The following RABGAP1L variants were observed in gnomAD, a reference collection of about 807,000 sequenced individuals.
RABGAP1L encodes RAB GTPase activating protein 1 like, also known as rab GTPase-activating protein 1-like.
A neutral mutation model predicts 137.7 loss-of-function variants in RABGAP1L; 63 were observed. That is an observed-to-expected ratio of 0.46 (90% CI 0.37 to 0.56). The LOEUF is 0.56. Ranked by LOEUF, RABGAP1L falls within the 20% of genes least tolerant of loss-of-function variation. RABGAP1L has a pLI of 0.00. For synonymous variants in RABGAP1L, 431 were observed against 433.7 expected (o/e 0.99, Z 0.08); for missense variants, 1,095 against 1,244.0 (o/e 0.88, Z 1.80).
intron 18 of RABGAP1L, among the ~76,000 whole-genome samples, chr1:174,799,061 T>G (rs1044014985): frequency 7.2e-5 from 11 of 152,250 alleles, no homozygotes; most frequent in African/African-American, 2.7e-4. Flanking sequence ...TGTTTTCAAC[T>G]ATTAGCTGAG....
intron 17 of RABGAP1L, among the ~76,000 whole-genome samples, chr1:174,742,569 AT>A (rs1325136963): frequency 6.6e-5 from 10 of 152,172 alleles, no homozygotes; most frequent in African/African-American, 2.4e-4. Context: ...CTAACAAAAG[AT>A]TTCTGGATGG....
intron 19 of RABGAP1L, among the ~76,000 whole-genome samples, chr1:174,873,510 ATTTT>A (rs11339447): frequency 2.2e-5 from 3 of 135,958 alleles, no homozygotes; most frequent in Non-Finnish European, 3.2e-5. Flanking sequence ...AGTTGAGATA[ATTTT>A]TTTTTTTTTT....
At chr1:174,520,294 A>G (rs1165088561) in intron 13 of RABGAP1L, among the ~76,000 whole-genome samples, 2 of 152,242 alleles carry the variant, frequency 1.3e-5, no homozygotes, top group African/African-American at 4.8e-5. Flanking sequence ...CTAGAAAATT[A>G]TATATTTAAC....
chr1:174,507,686 A>G (rs993182721), intron 13 of RABGAP1L, among the ~76,000 whole-genome samples: 3 of 152,176 alleles, frequency 2.0e-5, no homozygotes, highest in Non-Finnish European at 4.4e-5. Flanking sequence ...GTAATAAACC[A>G]GAGGAGAAAA....
Position 174,602,410 on chromosome 1 carries a change from G to C in RABGAP1L, c.1711-34965G>C, listed in dbSNP as rs530550133. 9.2e-5 allele frequency among the ~76,000 whole-genome samples: 14 copies of C among 152,190 alleles called. No individual in the cohort carries two copies. In the South Asian group the frequency reaches 1.0e-3, roughly 11 times the overall value. On this transcript the variant is annotated intron_variant, in intron 13 of 25. Transcript: ENST00000681986. ...TACACCAGAATAGCAGGGGAAACTC[G>C]TGAGACTTATTCACTCTGCAAGAAT... is the stretch of plus-strand genomic sequence containing the variant.
chr1:174,335,873 T>G (rs6697149), intron 11 of RABGAP1L, among the ~76,000 whole-genome samples: 3,072 of 152,328 alleles, frequency 0.02, 111 homozygotes, highest in African/African-American at 0.071. Context: ...AGCACTATGC[T>G]TGATTCTGAG....
intron 15 of RABGAP1L, among the ~76,000 whole-genome samples, chr1:174,684,709 G>T (rs1259278109): frequency 6.6e-6 from 1 of 152,196 alleles, no homozygotes; most frequent in African/African-American, 2.4e-5. Flanking sequence ...AGGCACAGTG[G>T]CTCACACCTG....
At chr1:174,548,433 C>T (rs1462839988) in intron 13 of RABGAP1L, 4 of 963,230 alleles carry the variant, frequency 4.2e-6, no homozygotes, top group South Asian at 8.5e-5. Context: ...CTTGCTTTTG[C>T]TTATATATGG....
Position 174,275,833 on chromosome 1 carries a change from G to C in RABGAP1L, c.1054G>C (p.Glu352Gln). The part of the protein sequence containing the change: ...KNSDMHLLDM[E>Q]SMGKSYDGRA... Reference sequence around the variant, plus strand: ...GTAATTACTGTTTGAATTTTTATAGGAATCCATGGGAAAGAGCTATGATGG... The same window carrying C: ...GTAATTACTGTTTGAATTTTTATAGCAATCCATGGGAAAGAGCTATGATGG... The change falls in exon 9 of 26, where the codon GAA (glutamate) becomes CAA (glutamine). Residue 352 changes from glutamate to glutamine, a missense_variant and splice_region_variant. Transcript: ENST00000681986. The C allele has an allele frequency of 6.2e-7, 1 of 1,604,552 alleles. No individual in the cohort carries two copies. Among genetic ancestry groups the C allele is most frequent in the Non-Finnish European group, 8.5e-7 (1 of 1,174,726 alleles).
chr1:174,341,910 G>A (rs772945526), intron 11 of RABGAP1L, among the ~76,000 whole-genome samples: 1 of 152,098 alleles, frequency 6.6e-6, no homozygotes. Context: ...TTCTTGATAA[G>A]TACAACCAGC....
chr1:174,415,319 T>C (rs1246510012), intron 13 of RABGAP1L, among the ~76,000 whole-genome samples: 1 of 152,118 alleles, frequency 6.6e-6, no homozygotes, highest in Non-Finnish European at 1.5e-5. Context: ...CATAATAGAC[T>C]TCAATTTTCT....
chr1:174,800,541 G>A, intron 18 of RABGAP1L: 1 of 1,535,798 alleles, frequency 6.5e-7, no homozygotes, highest in African/African-American at 1.4e-5. Context: ...TAGGGAATCT[G>A]CTATCCTCTG....
rs1166364912 is a variant in RABGAP1L, at chr1:174,590,123, C to CTTT, written c.1711-47226_1711-47224dup. Among the ~76,000 whole-genome samples, 68 of 59,800 alleles carry CTTT rather than the reference C, an allele frequency of 1.1e-3. 3 individuals are homozygous for CTTT. The highest frequency in any genetic ancestry group is 1.7e-3 in the Non-Finnish European group (53 of 31,720). 39.2% of individuals were successfully genotyped at this position (59,800 alleles called of 152,430 possible). A position where few individuals can be genotyped will look rare whatever the true frequency, so the allele number is the denominator to read the frequency against. ...CCATTTTTTGTGACCTCTTCAGTTT[C>CTTT]TTTTTTTTTTTTTTTTTTTTTTTTT... On this transcript the variant is annotated intron_variant, in intron 13 of 25. Transcript: ENST00000681986.
intron 13 of RABGAP1L, among the ~76,000 whole-genome samples, chr1:174,399,666 A>G (rs1648310240): frequency 6.6e-6 from 1 of 152,182 alleles, no homozygotes; most frequent in Non-Finnish European, 1.5e-5. Context: ...ATTGACTCAC[A>G]GTTTCACAGG....
chr1:174,826,327 T>G (rs140949086), intron 19 of RABGAP1L, among the ~76,000 whole-genome samples: 2,105 of 152,306 alleles, frequency 0.014, 30 homozygotes, highest in African/African-American at 0.039. Flanking sequence ...GTTCAAGTGA[T>G]TCTCCTGCCT....
At chr1:174,713,206 G>T (rs977467869) in intron 17 of RABGAP1L, among the ~76,000 whole-genome samples, 1 of 152,174 alleles carries the variant, frequency 6.6e-6, no homozygotes, top group Non-Finnish European at 1.5e-5. Flanking sequence ...ACCTCTTCCT[G>T]ACTACATCTT....
intron 13 of RABGAP1L, among the ~76,000 whole-genome samples, chr1:174,463,395 A>G (rs1036955497): frequency 2.0e-5 from 3 of 152,086 alleles, no homozygotes; most frequent in African/African-American, 7.2e-5. Context: ...CATCATTCTC[A>G]GTAAACTATC....
chr1:174,576,570 T>C (rs1159773584), intron 13 of RABGAP1L, among the ~76,000 whole-genome samples: 1 of 152,190 alleles, frequency 6.6e-6, no homozygotes, highest in Non-Finnish European at 1.5e-5. Context: ...ATATTTACAA[T>C]AATCAGAAGC....
intron 1 of RABGAP1L, among the ~76,000 whole-genome samples, chr1:174,162,166 GA>G (rs1664523388): frequency 1.3e-5 from 2 of 151,702 alleles, no homozygotes; most frequent in Admixed American, 1.3e-4. Context: ...TGGTAGTTAT[GA>G]TTTTTTTTTC....
Sources: gnomAD v4.1 joint callset for allele counts (sites outside exome capture counted in the v4.1 genomes callset) on GRCh38, gnomAD v4.1.1 for gene constraint, MANE v1.5 for transcripts, NCBI Gene and HGNC (gene_info 2026-07-23, HGNC 2026-07-21) for gene names.